The following CCDC85C variants were observed in gnomAD, a reference collection of about 807,000 sequenced individuals.
CCDC85C encodes coiled-coil domain-containing protein 85C.
A neutral mutation model predicts 38.3 loss-of-function variants in CCDC85C; 18 were observed. That is an observed-to-expected ratio of 0.47 (90% CI 0.33 to 0.70). The LOEUF (loss-of-function observed/expected upper bound fraction) is 0.70, where lower values mean the gene tolerates loss of function less well. Among genes scored for constraint, CCDC85C ranks in the 30% least tolerant of loss-of-function variants. The pLI is 0.03. For synonymous variants in CCDC85C, 264 were observed against 293.8 expected (o/e 0.90, Z 1.04); for missense variants, 566 against 621.2 (o/e 0.91, Z 0.94).
At position 99,509,945 on chromosome 14, in the gene CCDC85C, C is replaced by T. The variant is rs1426229966; in HGVS notation, c.*5301G>A. 1.5e-5 allele frequency: 9 copies of T among 599,528 alleles called. No individual in the cohort carries two copies. The highest frequency in any genetic ancestry group is 9.1e-5 in the Admixed American group (3 of 32,974). The allele number at this position is 599,528 out of a possible 1,614,324, so 37.1% of individuals were successfully genotyped here. ...GGCTGAGGGAGGGAAAACCCCAGGT[C>T]GTCGCAGACAGGGTGGAGGGCCTTC... is the stretch of plus-strand genomic sequence containing the variant. On this transcript the variant is annotated 3_prime_UTR_variant, in exon 6 of 6. Coordinates refer to ENST00000380243, the MANE Select transcript of CCDC85C (RefSeq NM_001144995.2).
chr14:99,551,540 G>T (rs1473824991), intron 1 of CCDC85C, among the ~76,000 whole-genome samples: 1 of 151,538 alleles, frequency 6.6e-6, no homozygotes, highest in Admixed American at 6.6e-5. Flanking sequence ...TGTGCAGGTG[G>T]GTGGGCAGGT....
intron 1 of CCDC85C, among the ~76,000 whole-genome samples, chr14:99,580,432 A>G (rs2054953950): frequency 7.7e-6 from 1 of 129,516 alleles, no homozygotes; most frequent in South Asian, 2.9e-4. Flanking sequence ...GCGGCATCTC[A>G]GCCACAGGCT....
chr14:99,548,734 G>A lies in CCDC85C; in HGVS notation c.794-12646C>T, dbSNP rs1003724380. On this transcript the variant is annotated intron_variant, in intron 1 of 5. Coordinates refer to ENST00000380243, the MANE Select transcript of CCDC85C (RefSeq NM_001144995.2). The surrounding 1 kb of genome is among the most constrained non-coding windows in gnomAD (Gnocchi z 4.9). ...TACTCGGGAGACCGAGGCGGGAGGC[G>A]TGCTGGAGCTCAGGAGTGTGAGTCC... Among the ~76,000 whole-genome samples the A allele has an allele frequency of 2.0e-5, 3 of 152,200 alleles. No homozygotes were observed. The highest frequency in any genetic ancestry group is 1.3e-4 in the Admixed American group (2 of 15,298).
At chr14:99,575,691 G>A (rs1276237942) in intron 1 of CCDC85C, among the ~76,000 whole-genome samples, 2 of 152,212 alleles carry the variant, frequency 1.3e-5, no homozygotes, top group African/African-American at 2.4e-5. Flanking sequence ...TGCCAGGGAT[G>A]AGCAGGCCAT....
intron 1 of CCDC85C, among the ~76,000 whole-genome samples, chr14:99,546,496 A>T (rs1897810749): frequency 6.6e-6 from 1 of 152,048 alleles, no homozygotes. Flanking sequence ...GCAGCAAGAG[A>T]AAGAGGGGGC....
In CCDC85C at chr14:99,516,084, A is replaced by T. The variant is rs1897220090; in HGVS notation, c.1170+104T>A. On this transcript the variant is annotated intron_variant, in intron 5 of 5. Transcript: ENST00000380243. The surrounding 1 kb of genome is among the most constrained non-coding windows in gnomAD (Gnocchi z 5.5). ...CAAGGTCACCCAGCCTTCGCTGAGC[A>T]TTCGAGAAATGGAGTCCCACATGGG... is the stretch of plus-strand genomic sequence containing the variant. The T allele has an allele frequency of 3.3e-6, 3 of 908,414 alleles. No individual in the cohort carries two copies. Among genetic ancestry groups the T allele is most frequent in the East Asian group, 2.6e-5 (1 of 37,896 alleles). The allele number at this position is 908,414 out of a possible 1,614,324, so 56.3% of individuals were successfully genotyped here.
chr14:99,552,353 C>T (rs1249532406), intron 1 of CCDC85C, among the ~76,000 whole-genome samples: 4 of 152,318 alleles, frequency 2.6e-5, no homozygotes, highest in Non-Finnish European at 5.9e-5. Flanking sequence ...TGAGACTGAC[C>T]CCAGCAAGGC....
chr14:99,604,049 C>A lies in CCDC85C; in HGVS notation c.-90G>T, dbSNP rs1245956669. The A allele has an allele frequency of 1.0e-6, 1 of 974,182 alleles. No homozygotes were observed. Among genetic ancestry groups the A allele is most frequent in the Admixed American group, 6.6e-5 (1 of 15,202 alleles). 60.3% of individuals were successfully genotyped at this position (974,182 alleles called of 1,614,324 possible). A position where few individuals can be genotyped will look rare whatever the true frequency, so the allele number is the denominator to read the frequency against. Reference sequence around the variant, plus strand: ...TCCGCTGGGCCGGTCCGCGCGCGGGCGGGGGGCGGCCGGGGGCGCGTGCGG... The same window carrying A: ...TCCGCTGGGCCGGTCCGCGCGCGGGAGGGGGGCGGCCGGGGGCGCGTGCGG... On this transcript the variant is annotated 5_prime_UTR_variant, in exon 1 of 6. Coordinates refer to ENST00000380243, the MANE Select transcript of CCDC85C (RefSeq NM_001144995.2).
At chr14:99,580,784 G>A (rs1595099618) in intron 1 of CCDC85C, among the ~76,000 whole-genome samples, 1 of 152,110 alleles carries the variant, frequency 6.6e-6, no homozygotes, top group South Asian at 2.1e-4. Flanking sequence ...AGAATGGCTT[G>A]AACCCGGGAG....
At chr14:99,542,321 G>A (rs1251704743) in intron 1 of CCDC85C, among the ~76,000 whole-genome samples, 1 of 152,190 alleles carries the variant, frequency 6.6e-6, no homozygotes, top group African/African-American at 2.4e-5. Flanking sequence ...GGGAGAACCG[G>A]GCTCCAGGCT....
chr14:99,504,224 G>T lies in CCDC85C; in HGVS notation c.*11022C>A. 4.7e-6 allele frequency: 1 copy of T among 210,804 alleles called. No individual in the cohort carries two copies. The highest frequency in any genetic ancestry group is 4.7e-5 in the South Asian group (1 of 21,382). 13.1% of individuals were successfully genotyped at this position (210,804 alleles called of 1,614,324 possible). ...GAAAGTTAGAAATGTTTTGTCACAG[G>T]GTCAGTCCACCTATCATACTGAACT... On this transcript the variant is annotated 3_prime_UTR_variant, in exon 6 of 6. Coordinates refer to ENST00000380243, the MANE Select transcript of CCDC85C (RefSeq NM_001144995.2).
intron 2 of CCDC85C, among the ~76,000 whole-genome samples, chr14:99,531,627 TC>T (rs1175194669): frequency 6.8e-6 from 1 of 147,162 alleles, no homozygotes; most frequent in Non-Finnish European, 1.5e-5. Context: ...CCAGGGAGGC[TC>T]CCTACCCTCC....
intron 1 of CCDC85C, among the ~76,000 whole-genome samples, chr14:99,563,290 G>A (rs1039313665): frequency 1.3e-5 from 2 of 152,266 alleles, no homozygotes; most frequent in Non-Finnish European, 2.9e-5. Context: ...GCCCTGCCGC[G>A]TTCCATCCTT....
At chr14:99,525,296 C>A (rs1319781354) in intron 2 of CCDC85C, among the ~76,000 whole-genome samples, 2 of 152,194 alleles carry the variant, frequency 1.3e-5, no homozygotes, top group Admixed American at 1.3e-4. Flanking sequence ...CCCCGTCCTG[C>A]AGCGAATGCC....
At position 99,544,858 on chromosome 14, in the gene CCDC85C, C is replaced by T. The variant is rs79043585; in HGVS notation, c.794-8770G>A. Among the ~76,000 whole-genome samples, 2,887 of 152,270 alleles carry T rather than the reference C, an allele frequency of 0.019. 98 individuals are homozygous for T. The highest frequency in any genetic ancestry group is 0.066 in the African/African-American group (2,763 of 41,552). On this transcript the variant is annotated intron_variant, in intron 1 of 5. Coordinates refer to ENST00000380243, the MANE Select transcript of CCDC85C (RefSeq NM_001144995.2). The surrounding 1 kb of genome is among the most constrained non-coding windows in gnomAD (Gnocchi z 5.3). ...TGGCCTGCAGGCTGGCACCAGCTTC[C>T]CCTGAGATCCACCTCCATGCCCGGA...
chr14:99,537,191 C>T (rs947708289), intron 1 of CCDC85C, among the ~76,000 whole-genome samples: 9 of 152,190 alleles, frequency 5.9e-5, no homozygotes, highest in African/African-American at 1.9e-4. Context: ...GTCCACCCAC[C>T]GGCCCACCCG....
rs1245222114 is a variant in CCDC85C, at chr14:99,569,372, C to T, written c.794-33284G>A. 6.6e-6 allele frequency among the ~76,000 whole-genome samples: 1 copy of T among 152,170 alleles called. No individual in the cohort carries two copies. The highest frequency in any genetic ancestry group is 1.5e-5 in the Non-Finnish European group (1 of 68,040). On this transcript the variant is annotated intron_variant, in intron 1 of 5. Coordinates refer to ENST00000380243, the MANE Select transcript of CCDC85C (RefSeq NM_001144995.2). The surrounding 1 kb of genome is among the most constrained non-coding windows in gnomAD (Gnocchi z 4.3). ...CCAGTGGGGTGTGTGCTCGGCTCCACCAGACAGTATTCCAAAGGGTTCCCT... is the reference window on the plus strand; with the variant it reads ...CCAGTGGGGTGTGTGCTCGGCTCCATCAGACAGTATTCCAAAGGGTTCCCT...
chr14:99,527,344 C>T (rs1897404644), intron 2 of CCDC85C, among the ~76,000 whole-genome samples: 1 of 152,206 alleles, frequency 6.6e-6, no homozygotes, highest in Admixed American at 6.5e-5. Context: ...CAGAGGACAA[C>T]TCGCAGTGTC....
rs182315654 is a variant in CCDC85C, at chr14:99,542,594, G to C, written c.794-6506C>G. On this transcript the variant is annotated intron_variant, in intron 1 of 5. Coordinates refer to ENST00000380243, the MANE Select transcript of CCDC85C (RefSeq NM_001144995.2). Reference sequence around the variant, plus strand: ...CAGGGAGTGGTGGCCTAGAGGCTCCGGGTAGCAGCCGGCCTCCTCTTCCCA... The same window carrying C: ...CAGGGAGTGGTGGCCTAGAGGCTCCCGGTAGCAGCCGGCCTCCTCTTCCCA... Among the ~76,000 whole-genome samples the C allele has an allele frequency of 3.8e-3, 574 of 152,266 alleles. 6 individuals are homozygous for C. The highest frequency in any genetic ancestry group is 0.013 in the African/African-American group (546 of 41,554).
Sources: gnomAD v4.1 joint callset for allele counts (sites outside exome capture counted in the v4.1 genomes callset) on GRCh38, gnomAD v4.1.1 for gene constraint, Gnocchi (gnomAD v3.1) non-coding constraint, MANE v1.5 for transcripts, NCBI Gene and HGNC (gene_info 2026-07-23, HGNC 2026-07-21) for gene names.